ADRA1B: variants seen among roughly 807,000 people sequenced by gnomAD.
ADRA1B encodes adrenoceptor alpha 1B.
In ADRA1B, 17 loss-of-function variants were observed where a neutral mutation model predicts 17.9. The observed-to-expected ratio is 0.95, with a 90% CI of 0.65 to 1.42. The LOEUF is 1.42. Among genes scored for constraint, ADRA1B ranks in the 40% most tolerant of loss-of-function variants. The pLI, the probability that ADRA1B is intolerant of heterozygous loss-of-function variation, is 0.00. For synonymous variants in ADRA1B, 366 were observed against 327.6 expected (o/e 1.12, Z -1.27); for missense variants, 681 against 722.1 (o/e 0.94, Z 0.65).
the ADRA1B span, among the ~76,000 whole-genome samples, chr5:159,983,877 C>T: frequency 6.6e-6 from 1 of 151,950 alleles, no homozygotes. Context: ...CGTTTATACT[C>T]CCTGACTCCA....
chr5:159,915,254 C>T (rs760141365), upstream of ADRA1B, among the ~76,000 whole-genome samples: 33 of 152,196 alleles, frequency 2.2e-4, no homozygotes, highest in Non-Finnish European at 4.4e-4. Flanking sequence ...CAGCTCTCCT[C>T]CATGCCTTTG....
chr5:159,869,214 C>T (rs1358431685), intron 1 of ADRA1B: 1 of 152,232 alleles, frequency 6.6e-6, no homozygotes, highest in African/African-American at 2.4e-5. Context: ...TACTCCTACT[C>T]TATTCCACCC....
intron 1 of ADRA1B, 108 bp from the exon 2 acceptor site, chr5:159,971,771 A>G: frequency 8.5e-7 from 1 of 1,173,050 alleles, no homozygotes; most frequent in Non-Finnish European, 1.1e-6. Context: ...GCCTGGCGGC[A>G]GGAACGCTGC....
intron 1 of ADRA1B, chr5:159,870,969 T>C (rs997378091): frequency 2.6e-5 from 4 of 152,210 alleles, no homozygotes; most frequent in African/African-American, 7.2e-5. Context: ...CCATGAAATC[T>C]TCCACATTGG....
chr5:159,873,635 C>T (rs193013572), intron 1 of ADRA1B, among the ~76,000 whole-genome samples: 4 of 152,156 alleles, frequency 2.6e-5, no homozygotes, highest in African/African-American at 4.8e-5. Flanking sequence ...CAGGACTTTT[C>T]GTTGTTATTG....
chr5:159,900,924 C>T (rs949394765), intron 1 of ADRA1B, among the ~76,000 whole-genome samples: 1 of 152,110 alleles, frequency 6.6e-6, no homozygotes, highest in African/African-American at 2.4e-5. Flanking sequence ...AATGTGCAAA[C>T]TGGTTTGAGA....
chr5:159,907,955 T>TCTCA (rs1754180189), intron 1 of ADRA1B, among the ~76,000 whole-genome samples: 9 of 146,932 alleles, frequency 6.1e-5, no homozygotes, highest in African/African-American at 2.3e-4. Context: ...TCTCTCTCTG[T>TCTCA]CACACACACA....
chr5:159,971,853 C>CGGGGGGGGGGGCCG, intron 1 of ADRA1B, 26 bp from the exon 2 acceptor site: 1 of 1,305,874 alleles, frequency 7.7e-7, no homozygotes, highest in Non-Finnish European at 9.8e-7. Context: ...TCTTTCTGCC[C>CGGGGGGGGGGGCCG]GTGCCCACCC....
rs112025319 is a variant in ADRA1B at position 159,866,541 on chromosome 5, C to T, written c.-256+1335C>T. ...GGCGGAGGTTGGGGTGAGCTGAGAT[C>T]GCGCCACTGCATTACAGCCTGGGCA... On this transcript the variant is annotated intron_variant, in intron 1 of 2. Transcript: ENST00000641205. Among the ~76,000 whole-genome samples, 754 of 150,820 alleles carry T rather than the reference C, an allele frequency of 5.0e-3. 12 individuals are homozygous for T. Among genetic ancestry groups the T allele is most frequent in the East Asian group, 0.036 (183 of 5,098 alleles).
Position 159,972,198 on chromosome 5 carries a change from G to A in ADRA1B, c.1269G>A (p.Ser423=). Residue 423 remains serine, a synonymous_variant, in exon 2 of 2, where the codon TCG becomes TCA. Coordinates refer to ENST00000306675, the MANE Select transcript of ADRA1B (RefSeq NM_000679.4). ...GCGGCAGCCAGCGGACCCTGCCCTC[G>A]GCCTCGCCGAGCCCGGGCTACCTGG... is the stretch of plus-strand genomic sequence containing the variant. ...CLSGSQRTLP[S]ASPSPGYLGR... The A allele has an allele frequency of 2.2e-6, 3 of 1,363,474 alleles. No homozygotes were observed. The highest frequency in any genetic ancestry group is 1.9e-6 in the Non-Finnish European group (2 of 1,052,944). The allele number at this position is 1,363,474 out of a possible 1,614,324, so 84.5% of individuals were successfully genotyped here. A position where few individuals can be genotyped will look rare whatever the true frequency, so the allele number is the denominator to read the frequency against.
In ADRA1B at chr5:159,951,221, T is replaced by C. The variant is rs1035915962; in HGVS notation, c.950-20658T>C. On this transcript the variant is annotated intron_variant, in intron 1 of 1. Coordinates refer to ENST00000306675, the MANE Select transcript of ADRA1B (RefSeq NM_000679.4). Reference sequence around the variant, plus strand: ...AGACGCTGGTGGACTTCACAACATATTCAGCGCCAGCATCGCCCCATTTGA... The same window carrying C: ...AGACGCTGGTGGACTTCACAACATACTCAGCGCCAGCATCGCCCCATTTGA... 4 of 826,018 alleles carry C rather than the reference T, an allele frequency of 4.8e-6. No individual in the cohort carries two copies. In the South Asian group the frequency reaches 5.3e-5, roughly 11 times the overall value. The allele number at this position is 826,018 out of a possible 1,614,324, so 51.2% of individuals were successfully genotyped here. A position where few individuals can be genotyped will look rare whatever the true frequency, so the allele number is the denominator to read the frequency against.
intron 1 of ADRA1B, among the ~76,000 whole-genome samples, chr5:159,934,023 C>T (rs1270991927): frequency 2.0e-5 from 3 of 152,206 alleles, no homozygotes; most frequent in Admixed American, 6.5e-5. Context: ...TTGCAAAATT[C>T]GGATTGGCCC....
chr5:159,955,223 G>T, intron 1 of ADRA1B: 1 of 984,850 alleles, frequency 1.0e-6, no homozygotes. Flanking sequence ...AGGGCTGCGG[G>T]TGTCAAGGAA....
At chr5:159,909,563 T>C (rs1205652489) in intron 1 of ADRA1B, among the ~76,000 whole-genome samples, 1 of 152,258 alleles carries the variant, frequency 6.6e-6, no homozygotes, top group Non-Finnish European at 1.5e-5. Flanking sequence ...CATGTATTTA[T>C]TTCCTTATTT....
intron 1 of ADRA1B, among the ~76,000 whole-genome samples, chr5:159,943,923 CACACACACACACACACAA>C (rs1178347598): frequency 3.3e-5 from 5 of 151,390 alleles, no homozygotes; most frequent in Non-Finnish European, 7.4e-5. Flanking sequence ...CACACACACA[CACACACACACACACACAA>C]ACACACACAC....
chr5:159,971,212 T>G (rs1440139081), intron 1 of ADRA1B, among the ~76,000 whole-genome samples: 1 of 152,246 alleles, frequency 6.6e-6, no homozygotes, highest in Non-Finnish European at 1.5e-5. Flanking sequence ...TTGCCCATGT[T>G]TCTACTGGGA....
At chr5:159,962,930 CTTTTCTTTTT>C (rs1291784853) in intron 1 of ADRA1B, among the ~76,000 whole-genome samples, 2 of 57,410 alleles carry the variant, frequency 3.5e-5, no homozygotes, top group Non-Finnish European at 6.9e-5. Context: ...TTTTTCTTTT[CTTTTCTTTTT>C]TTTTTTTTTT....
Position 159,971,953 on chromosome 5 carries a change from T to C in ADRA1B, c.1024T>C (p.Cys342Arg), listed in dbSNP as rs1755876350. Residue 342 changes from cysteine to arginine, a missense_variant, in exon 2 of 2, where the codon TGC becomes CGC. Cys to Arg is a radical substitution (Grantham distance 180). Around this residue, in one of 3 missense-constraint regions of ADRA1B, gnomAD observed 424 missense variants for 480.2 expected, o/e 0.88. Transcript: ENST00000306675. ...GTTCTGGCTGGGCTACTTCAACAGC[T>C]GCCTCAACCCCATCATCTACCCATG... ...VVFWLGYFNS[C>R]LNPIIYPCSS... The C allele has an allele frequency of 7.0e-7, 1 of 1,418,444 alleles. No individual in the cohort carries two copies. Among genetic ancestry groups the C allele is most frequent in the South Asian group, 1.6e-5 (1 of 61,470 alleles). 87.9% of individuals were successfully genotyped at this position (1,418,444 alleles called of 1,614,324 possible). A position where few individuals can be genotyped will look rare whatever the true frequency, so the allele number is the denominator to read the frequency against.
At chr5:159,940,855 C>A (rs1342747371) in intron 1 of ADRA1B, among the ~76,000 whole-genome samples, 1 of 152,172 alleles carries the variant, frequency 6.6e-6, no homozygotes, top group Admixed American at 6.6e-5. Context: ...AAAGACAGTT[C>A]TTTAAACTGG....
Sources: gnomAD v4.1 joint callset for allele counts (sites outside exome capture counted in the v4.1 genomes callset) on GRCh38, gnomAD v4.1.1 for gene constraint, gnomAD v4.1.1 regional missense constraint, MANE v1.5 for transcripts, NCBI Gene and HGNC (gene_info 2026-07-23, HGNC 2026-07-21) for gene names.